SLC1A1: variants seen among roughly 807,000 people sequenced by gnomAD.
SLC1A1 encodes solute carrier family 1 member 1, also known as excitatory amino acid transporter 3.
Under a neutral mutation model 53.3 loss-of-function variants are expected in SLC1A1, and 43 were observed. The ratio of observed to expected loss-of-function variants is 0.81; its 90% CI spans 0.63 to 1.04. The LOEUF (loss-of-function observed/expected upper bound fraction) is 1.04, where lower values mean the gene tolerates loss of function less well. Among genes scored for constraint, SLC1A1 ranks in the 50% least tolerant of loss-of-function variants. The pLI, the probability that SLC1A1 is intolerant of heterozygous loss-of-function variation, is 0.00. For synonymous variants in SLC1A1, 307 were observed against 243.2 expected, an observed-to-expected ratio of 1.26 and a Z score of -2.44; for missense variants, 748 against 664.9, an observed-to-expected ratio of 1.12 and a Z score of -1.37.
At chr9:4,576,865 T>G in intron 10 of SLC1A1, 102 bp downstream of exon 10, 1 of 1,053,388 alleles carries the variant, frequency 9.5e-7, no homozygotes, top group Non-Finnish European at 1.5e-6. Flanking sequence ...TGATGAATTC[T>G]TTTTCTTGAT....
intron 1 of SLC1A1, among the ~76,000 whole-genome samples, chr9:4,522,588 G>A (rs1816118272): frequency 1.3e-5 from 2 of 152,128 alleles, no homozygotes; most frequent in Non-Finnish European, 2.9e-5. Flanking sequence ...ACCGGAGACT[G>A]GGTAATTTAT....
chr9:4,529,898 T>C (rs1179375971), intron 1 of SLC1A1, among the ~76,000 whole-genome samples: 1 of 152,150 alleles, frequency 6.6e-6, no homozygotes, highest in East Asian at 1.9e-4. Flanking sequence ...CCTAGTCCCT[T>C]TTAGAGTTCT....
chr9:4,535,973 G>A (rs1432990889), intron 1 of SLC1A1, among the ~76,000 whole-genome samples: 3 of 152,078 alleles, frequency 2.0e-5, no homozygotes, highest in Non-Finnish European at 4.4e-5. Flanking sequence ...AATGGTGCTG[G>A]GAAAACTGGC....
intron 10 of SLC1A1, 63 bp from the exon 11 acceptor site, chr9:4,582,975 A>G (rs1821241412): frequency 1.2e-6 from 2 of 1,607,768 alleles, no homozygotes; most frequent in African/African-American, 1.3e-5. Context: ...TAACCATTTC[A>G]GGCCAGGGCT....
chr9:4,540,638 C>G (rs1214211918), intron 1 of SLC1A1, among the ~76,000 whole-genome samples: 1 of 152,182 alleles, frequency 6.6e-6, no homozygotes, highest in African/African-American at 2.4e-5. Context: ...ACCTGCTCAC[C>G]TGTGGACTCC....
chr9:4,493,528 T>G (rs1263156358), intron 1 of SLC1A1, among the ~76,000 whole-genome samples: 2 of 152,214 alleles, frequency 1.3e-5, no homozygotes, highest in Non-Finnish European at 2.9e-5. Context: ...TTTCAGCATG[T>G]GGAACTTAAA....
At chr9:4,569,657 C>T (rs571182066) in intron 6 of SLC1A1, among the ~76,000 whole-genome samples, 1 of 152,308 alleles carries the variant, frequency 6.6e-6, no homozygotes, top group South Asian at 2.1e-4. Flanking sequence ...CCACCGTTGG[C>T]TCCCTGCTTC....
At chr9:4,547,050 A>G (rs894396301) in intron 2 of SLC1A1, among the ~76,000 whole-genome samples, 2 of 152,254 alleles carry the variant, frequency 1.3e-5, no homozygotes, top group African/African-American at 4.8e-5. Flanking sequence ...GTAAAAATAC[A>G]TGTATGAATG....
chr9:4,572,350 G>C lies in SLC1A1; in HGVS notation c.729G>C (p.Leu243Phe), dbSNP rs376322970. The C allele has an allele frequency of 1.1e-5, 18 of 1,614,018 alleles. No homozygotes were observed. Among genetic ancestry groups the C allele is most frequent in the African/African-American group, 8.0e-5 (6 of 74,918 alleles). Reference sequence around the variant, plus strand: ...TTCTGGTGGATTTCTTCAATGCTTTGAGTGATGCAACCATGAAAATCGTTC... The same window carrying C: ...TTCTGGTGGATTTCTTCAATGCTTTCAGTGATGCAACCATGAAAATCGTTC... ...GQILVDFFNA[L>F]SDATMKIVQI... The change falls in exon 7 of 12, where the codon TTG (leucine) becomes TTC (phenylalanine). Residue 243 changes from leucine (L) to phenylalanine (F), a missense_variant. Physicochemically the swap from Leu to Phe is conservative, Grantham distance 22 (BLOSUM62 0). Transcript: ENST00000262352.
At chr9:4,521,948 C>T (rs1245822236) in intron 1 of SLC1A1, among the ~76,000 whole-genome samples, 1 of 151,970 alleles carries the variant, frequency 6.6e-6, no homozygotes, top group African/African-American at 2.4e-5. Context: ...AAAGTGAGTG[C>T]TGCCATTGGT....
rs11998837 is a variant in SLC1A1 at position 4,565,601 on chromosome 9, G to A, written c.441-446G>A. On this transcript the variant is annotated intron_variant, in intron 4 of 11. Coordinates refer to ENST00000262352, the MANE Select transcript of SLC1A1 (RefSeq NM_004170.6). ...ACTCATGATCATGAGAATAGCATGGGAGAAACCACCCCCCATGATCCAATC... is the reference window on the plus strand; with the variant it reads ...ACTCATGATCATGAGAATAGCATGGAAGAAACCACCCCCCATGATCCAATC... 1.8e-3 allele frequency among the ~76,000 whole-genome samples: 276 copies of A among 152,254 alleles called. 2 individuals are homozygous for A. Among genetic ancestry groups the A allele is most frequent in the African/African-American group, 6.4e-3 (266 of 41,524 alleles).
chr9:4,555,146 C>G (rs1033044079), intron 2 of SLC1A1, among the ~76,000 whole-genome samples: 2 of 152,234 alleles, frequency 1.3e-5, no homozygotes, highest in Non-Finnish European at 2.9e-5. Context: ...CACCAAAGCC[C>G]ATGCCTTCTC....
chr9:4,519,421 A>G (rs1401162639), intron 1 of SLC1A1, among the ~76,000 whole-genome samples: 3 of 152,246 alleles, frequency 2.0e-5, no homozygotes, highest in African/African-American at 7.2e-5. Flanking sequence ...TGACATAGGT[A>G]AGTATGCATG....
intron 2 of SLC1A1, among the ~76,000 whole-genome samples, chr9:4,547,838 A>C (rs1817613497): frequency 6.6e-6 from 1 of 152,100 alleles, no homozygotes; most frequent in Non-Finnish European, 1.5e-5. Flanking sequence ...AAATTTTCAT[A>C]CTAAGCAACT....
chr9:4,510,107 T>A (rs190130574), intron 1 of SLC1A1, among the ~76,000 whole-genome samples: 20 of 152,330 alleles, frequency 1.3e-4, no homozygotes, highest in Middle Eastern at 6.8e-3. Context: ...GTGCTGGGAT[T>A]ACAGGCATGA....
Position 4,576,088 on chromosome 9 carries a change from C to G in SLC1A1, c.963C>G (p.Ala321=). 1.4e-5 allele frequency: 23 copies of G among 1,613,094 alleles called. No homozygotes were observed. Among genetic ancestry groups the G allele is most frequent in the Non-Finnish European group, 2.0e-5 (23 of 1,179,060 alleles). ...KNPFRFAMGM[A]QALLTALMIS... ...CTTTCCGATTTGCCATGGGAATGGCCCAGGCTCTCCTGACAGCTCTCATGA... is the reference window on the plus strand; with the variant it reads ...CTTTCCGATTTGCCATGGGAATGGCGCAGGCTCTCCTGACAGCTCTCATGA... Residue 321 remains alanine (A), a synonymous_variant, in exon 9 of 12, where the codon GCC becomes GCG. Transcript: ENST00000262352.
At chr9:4,500,063 C>G (rs546588177) in intron 1 of SLC1A1, among the ~76,000 whole-genome samples, 50 of 152,294 alleles carry the variant, frequency 3.3e-4, no homozygotes, top group Admixed American at 2.9e-3. Flanking sequence ...TTACCTTTAA[C>G]AGAGCCGAGA....
chr9:4,555,178 C>A (rs1053954053), intron 2 of SLC1A1, among the ~76,000 whole-genome samples: 3 of 152,234 alleles, frequency 2.0e-5, no homozygotes, highest in Non-Finnish European at 4.4e-5. Context: ...GGCCTCTCTG[C>A]CGGTGACAGA....
At chr9:4,502,389 G>GAAAAAAAAAAAAAAAAAAAAAAAAAAA in intron 1 of SLC1A1, among the ~76,000 whole-genome samples, 1 of 56,490 alleles carries the variant, frequency 1.8e-5, no homozygotes, top group Non-Finnish European at 2.9e-5. Flanking sequence ...CCTGTCTCCA[G>GAAAAAAAAAAAAAAAAAAAAAAAAAAA]AAAAAAAAAA....
Sources: gnomAD v4.1 joint callset for allele counts (sites outside exome capture counted in the v4.1 genomes callset) on GRCh38, gnomAD v4.1.1 for gene constraint, MANE v1.5 for transcripts, NCBI Gene and HGNC (gene_info 2026-07-23, HGNC 2026-07-21) for gene names.